WDFY2: variants seen among roughly 807,000 people sequenced by gnomAD.
WDFY2 encodes the protein WD repeat and FYVE domain containing 2.
Under a neutral mutation model 56.4 loss-of-function variants are expected in WDFY2, and 36 were observed. The ratio of observed to expected loss-of-function variants is 0.64; its 90% CI spans 0.49 to 0.84. The LOEUF is 0.84. WDFY2 is among the 40% of genes least tolerant of loss of function. The pLI is 0.00. For synonymous variants in WDFY2, 176 were observed against 183.7 expected (o/e 0.96, Z 0.34); for missense variants, 444 against 512.2 (o/e 0.87, Z 1.29).
intron 6 of WDFY2, among the ~76,000 whole-genome samples, chr13:51,728,104 G>A (rs535911617): frequency 4.6e-5 from 7 of 152,264 alleles, no homozygotes; most frequent in Admixed American, 2.0e-4. Flanking sequence ...ATGTGGCCTC[G>A]GACGGCTCAA....
intron 1 of WDFY2, among the ~76,000 whole-genome samples, chr13:51,609,487 G>A (rs1954448428): frequency 1.3e-5 from 2 of 152,184 alleles, no homozygotes; most frequent in East Asian, 1.9e-4. Context: ...GGGACATTTA[G>A]TGTTGGTATA....
intron 1 of WDFY2, among the ~76,000 whole-genome samples, chr13:51,630,944 A>G (rs558663279): frequency 6.4e-4 from 97 of 151,182 alleles, no homozygotes; most frequent in African/African-American, 2.3e-3. Flanking sequence ...ACGCCCAGCT[A>G]ATTTTCTGTA....
intron 7 of WDFY2, among the ~76,000 whole-genome samples, chr13:51,739,686 G>A (rs75269666): frequency 6.6e-6 from 1 of 152,158 alleles, no homozygotes; most frequent in Non-Finnish European, 1.5e-5. Context: ...GATTTTAGGG[G>A]GCTGAGAGGA....
chr13:51,737,249 G>T (rs1030655597), intron 6 of WDFY2, among the ~76,000 whole-genome samples: 20 of 152,254 alleles, frequency 1.3e-4, no homozygotes, highest in African/African-American at 4.8e-4. Flanking sequence ...GTACTGTTTT[G>T]TGTGCTTATA....
intron 4 of WDFY2, 81 bp from the exon 5 acceptor site, chr13:51,719,117 A>G: frequency 6.3e-7 from 1 of 1,584,264 alleles, no homozygotes; most frequent in Non-Finnish European, 8.6e-7. Context: ...GGGAGAAGAG[A>G]ATGGTGCATC....
At chr13:51,689,014 G>A (rs1412434305) in intron 3 of WDFY2, among the ~76,000 whole-genome samples, 2 of 152,142 alleles carry the variant, frequency 1.3e-5, no homozygotes, top group African/African-American at 2.4e-5. Context: ...CAGTGTTCTG[G>A]CTTCAGAGTT....
rs1016293506 is a variant in WDFY2 at position 51,764,078 on chromosome 13, A to C, written c.*4309A>C. 1.3e-5 allele frequency: 2 copies of C among 152,218 alleles called. No individual in the cohort carries two copies. Among genetic ancestry groups the C allele is most frequent in the African/African-American group, 4.8e-5 (2 of 41,448 alleles). The allele number at this position is 152,218 out of a possible 1,614,324, so 9.4% of individuals were successfully genotyped here. On this transcript the variant is annotated 3_prime_UTR_variant, in exon 12 of 12. Transcript: ENST00000298125. ...ATTGAATTTTTCCTGGTACGAAGAC[A>C]GATATTTATTAACTTGATTGGAAAA...
At chr13:51,689,702 T>G (rs1381937288) in intron 3 of WDFY2, among the ~76,000 whole-genome samples, 1 of 152,152 alleles carries the variant, frequency 6.6e-6, no homozygotes, top group Non-Finnish European at 1.5e-5. Flanking sequence ...GCACGTACCC[T>G]CTGGGTTCCT....
At position 51,755,535 on chromosome 13, in the gene WDFY2, ACCCC is replaced by A. The variant is rs1471827725; in HGVS notation, c.933+77_933+80del. ...ACCATGTGATCTTAGAAGAAATAAC[ACCCC>A]TGGGTGGGAGTTGTGGTGAGGGTAA... is the stretch of plus-strand genomic sequence containing the variant. On this transcript the variant is annotated intron_variant, in intron 9 of 11. Transcript: ENST00000298125. 4.6e-5 allele frequency: 66 copies of A among 1,429,288 alleles called. No homozygotes were observed. In the Admixed American group the frequency reaches 1.1e-3, roughly 24 times the overall value. The allele number at this position is 1,429,288 out of a possible 1,614,324, so 88.5% of individuals were successfully genotyped here. A position where few individuals can be genotyped will look rare whatever the true frequency, so the allele number is the denominator to read the frequency against.
chr13:51,742,574 T>C (rs1290062456), intron 7 of WDFY2, among the ~76,000 whole-genome samples: 2 of 152,244 alleles, frequency 1.3e-5, no homozygotes, highest in African/African-American at 4.8e-5. Context: ...TAACGGTACT[T>C]GGTCTTTTTA....
At position 51,719,104 on chromosome 13, in the gene WDFY2, G is replaced by T. The variant is rs145341024; in HGVS notation, c.335-94G>T. 5 of 1,543,694 alleles carry T rather than the reference G, an allele frequency of 3.2e-6. No homozygotes were observed. In the African/African-American group the frequency reaches 5.4e-5, roughly 17 times the overall value. On this transcript the variant is annotated intron_variant, in intron 4 of 11. Transcript: ENST00000298125. ...GTTCTGCTGTTCAGCTTATTCTGGG[G>T]TGGGGAGAAGAGAATGGTGCATCTC...
intron 1 of WDFY2, among the ~76,000 whole-genome samples, chr13:51,629,892 T>A (rs1397122154): frequency 1.3e-5 from 2 of 149,150 alleles, no homozygotes; most frequent in Non-Finnish European, 3.0e-5. Flanking sequence ...AAAAACAGTA[T>A]GTGAAGCAGG....
chr13:51,691,536 G>C (rs1956156473), intron 3 of WDFY2, among the ~76,000 whole-genome samples: 1 of 151,774 alleles, frequency 6.6e-6, no homozygotes, highest in African/African-American at 2.4e-5. Flanking sequence ...TGAGGGCTCT[G>C]TTCCGTTCCA....
chr13:51,705,523 A>C (rs1566154066), intron 4 of WDFY2, among the ~76,000 whole-genome samples: 1 of 150,424 alleles, frequency 6.6e-6, no homozygotes, highest in African/African-American at 2.4e-5. Flanking sequence ...GGAGCAATCA[A>C]CTCAAGCTCC....
At chr13:51,656,281 A>G (rs1196736512) in intron 1 of WDFY2, among the ~76,000 whole-genome samples, 2 of 151,754 alleles carry the variant, frequency 1.3e-5, no homozygotes, top group Non-Finnish European at 2.9e-5. Context: ...AGTATTTTCT[A>G]ATTTTCTTAG....
chr13:51,586,003 G>T (rs937014443), intron 1 of WDFY2: 1 of 398,366 alleles, frequency 2.5e-6, no homozygotes, highest in African/African-American at 2.1e-5. Flanking sequence ...TACAAATGGC[G>T]CCTGATTAAT....
chr13:51,623,352 G>A (rs1196318953), intron 1 of WDFY2, among the ~76,000 whole-genome samples: 4 of 152,106 alleles, frequency 2.6e-5, no homozygotes, highest in Non-Finnish European at 5.9e-5. Context: ...AGATGAAAAG[G>A]AGGCTGGAGG....
At chr13:51,677,259 G>A (rs1475931088) in intron 3 of WDFY2, among the ~76,000 whole-genome samples, 1 of 152,122 alleles carries the variant, frequency 6.6e-6, no homozygotes, top group Non-Finnish European at 1.5e-5. Flanking sequence ...TCAGGACCCT[G>A]GCTTATATGA....
At chr13:51,629,325 T>A (rs1954903989) in intron 1 of WDFY2, among the ~76,000 whole-genome samples, 1 of 152,208 alleles carries the variant, frequency 6.6e-6, no homozygotes, top group Non-Finnish European at 1.5e-5. Flanking sequence ...CCTAAAAGAA[T>A]TTTAAGTCTT....
Sources: gnomAD v4.1 joint callset for allele counts (sites outside exome capture counted in the v4.1 genomes callset) on GRCh38, gnomAD v4.1.1 for gene constraint, MANE v1.5 for transcripts, NCBI Gene and HGNC (gene_info 2026-07-23, HGNC 2026-07-21) for gene names.